Variants in FHIT observed in about 807,000 individuals in gnomAD.
FHIT encodes fragile histidine triad diadenosine triphosphatase, also known as bis(5'-adenosyl)-triphosphatase.
FHIT carries 19 observed loss-of-function variants against 17.9 expected under a neutral mutation model. The observed-to-expected ratio is 1.06, with a 90% confidence interval of 0.74 to 1.56. The LOEUF (loss-of-function observed/expected upper bound fraction) is 1.56. FHIT is among the 40% of genes most tolerant of loss of function. The probability of loss-of-function intolerance (pLI) is 0.00; values close to 1 mark genes in which losing one functional copy is unlikely to be tolerated. For synonymous variants in FHIT, 81 were observed against 69.7 expected (o/e 1.16, Z -0.81); for missense variants, 248 against 189.2 (o/e 1.31, Z -1.82).
chr3:60,370,559 T>G (rs2107054795), intron 5 of FHIT, among the ~76,000 whole-genome samples: 1 of 152,294 alleles, frequency 6.6e-6, no homozygotes, highest in East Asian at 1.9e-4. Flanking sequence ...CAAAAATCTG[T>G]ACCTCTTCCT....
At chr3:60,613,235 T>C (rs1387689526) in intron 4 of FHIT, among the ~76,000 whole-genome samples, 8 of 152,178 alleles carry the variant, frequency 5.3e-5, no homozygotes, top group African/African-American at 1.7e-4. Flanking sequence ...ATTTGTGGCA[T>C]TTCCAAGTCT....
chr3:60,354,980 AGT>A, intron 5 of FHIT, among the ~76,000 whole-genome samples: 6 of 152,324 alleles, frequency 3.9e-5, no homozygotes, highest in Admixed American at 3.9e-4. Flanking sequence ...GTTATCAATC[AGT>A]TATCTGTAAA....
intron 4 of FHIT, among the ~76,000 whole-genome samples, chr3:60,577,709 A>G (rs1218780505): frequency 6.6e-6 from 1 of 152,090 alleles, no homozygotes; most frequent in African/African-American, 2.4e-5. Flanking sequence ...TTTTATTTCT[A>G]TTAAATGAAT....
chr3:60,260,450 G>A (rs9881435), intron 5 of FHIT, among the ~76,000 whole-genome samples: 2,921 of 151,898 alleles, frequency 0.019, 50 homozygotes, highest in African/African-American at 0.048. Context: ...AAAACTTGGC[G>A]TATTCACTAT....
At chr3:60,714,971 C>G (rs529427073) in intron 4 of FHIT, among the ~76,000 whole-genome samples, 2 of 152,074 alleles carry the variant, frequency 1.3e-5, no homozygotes, top group Non-Finnish European at 2.9e-5. Context: ...GAGCCCGCAT[C>G]GCCAAGTCAA....
intron 5 of FHIT, among the ~76,000 whole-genome samples, chr3:60,074,230 G>C (rs1424321457): frequency 6.6e-6 from 1 of 151,962 alleles, no homozygotes; most frequent in African/African-American, 2.4e-5. Context: ...GGACAGTTTG[G>C]TACACATGAG....
chr3:60,897,182 T>A (rs1220790941), intron 3 of FHIT, among the ~76,000 whole-genome samples: 2 of 152,210 alleles, frequency 1.3e-5, no homozygotes, highest in Non-Finnish European at 2.9e-5. Flanking sequence ...TATGGCTCAT[T>A]CAAACAATCT....
chr3:60,479,056 A>C (rs2033481521), intron 5 of FHIT, among the ~76,000 whole-genome samples: 1 of 152,222 alleles, frequency 6.6e-6, no homozygotes. Flanking sequence ...ACTGTCAAAG[A>C]GGACTAGACT....
In FHIT at chr3:60,015,687, C is replaced by T. The variant is rs560844681; in HGVS notation, c.104-1535G>A. On this transcript the variant is annotated intron_variant, in intron 5 of 9. Transcript: ENST00000492590. The stretch of plus-strand genomic sequence containing the variant: ...GGGTGACAACCATGCAAGCTTCCAA[C>T]GAAGTCCATAAGTGCTATGTTAGGC... Among the ~76,000 whole-genome samples, 9 of 152,266 alleles carry T rather than the reference C, an allele frequency of 5.9e-5. No homozygotes were observed. In the East Asian group the frequency reaches 9.7e-4, roughly 16 times the overall value.
At chr3:59,830,321 A>G (rs1701122448) in intron 8 of FHIT, among the ~76,000 whole-genome samples, 1 of 152,216 alleles carries the variant, frequency 6.6e-6, no homozygotes, top group Non-Finnish European at 1.5e-5. Context: ...CAAAGGAAAA[A>G]GGAGGAAAGT....
chr3:60,875,958 T>TGTGC (rs1704635198), intron 3 of FHIT, among the ~76,000 whole-genome samples: 1 of 151,578 alleles, frequency 6.6e-6, no homozygotes, highest in Admixed American at 6.6e-5. Context: ...TGTGTGTGTG[T>TGTGC]GTGTGTAAAT....
chr3:60,463,643 A>T (rs1256786881), intron 5 of FHIT, among the ~76,000 whole-genome samples: 1 of 152,184 alleles, frequency 6.6e-6, no homozygotes, highest in Non-Finnish European at 1.5e-5. Context: ...TAAGGCATGA[A>T]CTTGCCAAGC....
chr3:60,435,926 T>G (rs1298984558), intron 5 of FHIT, among the ~76,000 whole-genome samples: 1 of 152,174 alleles, frequency 6.6e-6, no homozygotes, highest in Non-Finnish European at 1.5e-5. Context: ...TTTCTGTTCC[T>G]GCATTCGTTT....
At chr3:60,281,691 G>A (rs905951079) in intron 5 of FHIT, among the ~76,000 whole-genome samples, 5 of 148,934 alleles carry the variant, frequency 3.4e-5, no homozygotes, top group Admixed American at 6.7e-5. Context: ...ACGCATCACA[G>A]AACTAAATGT....
intron 7 of FHIT, among the ~76,000 whole-genome samples, chr3:59,988,721 C>G (rs1175840470): frequency 1.3e-5 from 2 of 152,028 alleles, no homozygotes; most frequent in South Asian, 2.1e-4. Flanking sequence ...AGCAAACACC[C>G]GAAGGATCAA....
At chr3:60,201,948 G>C (rs984260571) in intron 5 of FHIT, among the ~76,000 whole-genome samples, 1 of 152,138 alleles carries the variant, frequency 6.6e-6, no homozygotes, top group Non-Finnish European at 1.5e-5. Flanking sequence ...TTACCAGTAA[G>C]TTCTCCATAG....
At chr3:60,818,932 T>A (rs2594147) in intron 4 of FHIT, among the ~76,000 whole-genome samples, 1 of 151,962 alleles carries the variant, frequency 6.6e-6, no homozygotes, top group Non-Finnish European at 1.5e-5. Flanking sequence ...TCTGGACCGA[T>A]CTGTGCTTCC....
intron 4 of FHIT, among the ~76,000 whole-genome samples, chr3:60,673,268 CG>C (rs1444198207): frequency 6.6e-6 from 1 of 152,016 alleles, no homozygotes; most frequent in Non-Finnish European, 1.5e-5. Flanking sequence ...TCTTATAATG[CG>C]GGTTGACTAG....
intron 4 of FHIT, among the ~76,000 whole-genome samples, chr3:60,703,236 G>C (rs2041289602): frequency 6.6e-6 from 1 of 152,156 alleles, no homozygotes; most frequent in Non-Finnish European, 1.5e-5. Context: ...GCTACTAAAA[G>C]GTAGGAAAAG....
Sources: gnomAD v4.1 joint callset for allele counts (sites outside exome capture counted in the v4.1 genomes callset) on GRCh38, gnomAD v4.1.1 for gene constraint, MANE v1.5 for transcripts, NCBI Gene and HGNC (gene_info 2026-07-23, HGNC 2026-07-21) for gene names.